The following SLC25A48 variants were observed in gnomAD, a reference collection of about 807,000 sequenced individuals.
The protein encoded by SLC25A48 is solute carrier family 25 member 48, also known as CTC-321K16.1.
A neutral mutation model predicts 32.2 loss-of-function variants in SLC25A48; 29 were observed. That is an observed-to-expected ratio of 0.90 (90% confidence interval 0.67 to 1.23). The LOEUF is 1.23. Ranked by LOEUF, SLC25A48 falls within the 50% of genes most tolerant of loss-of-function variation. The pLI is 0.00. For missense variants in SLC25A48, 399 were observed against 422.7 expected (o/e 0.94, Z 0.49); for synonymous variants, 164 against 172.3 (o/e 0.95, Z 0.38).
chr5:135,886,847 C>T (rs911525010), intron 7 of SLC25A48, among the ~76,000 whole-genome samples: 1 of 151,250 alleles, frequency 6.6e-6, no homozygotes, highest in Non-Finnish European at 1.5e-5. Flanking sequence ...CAAATGGAAT[C>T]CTATTTTTAA....
At chr5:135,774,581 T>A (rs964723184) in intron 3 of SLC25A48, among the ~76,000 whole-genome samples, 1 of 151,696 alleles carries the variant, frequency 6.6e-6, no homozygotes, top group African/African-American at 2.4e-5. Context: ...ATCACAGCGG[T>A]TATACACCCC....
intron 4 of SLC25A48, among the ~76,000 whole-genome samples, chr5:135,859,877 G>A (rs954443634): frequency 2.6e-5 from 4 of 152,142 alleles, no homozygotes; most frequent in African/African-American, 7.2e-5. Context: ...CTCCTGCAGT[G>A]ATGTTATCGG....
In SLC25A48 at chr5:135,874,810, T is replaced by C. The variant is rs538858765; in HGVS notation, c.813+656T>C. 7.7e-5 allele frequency: 46 copies of C among 600,808 alleles called. No individual in the cohort carries two copies. The Admixed American group carries it at 8.0e-4, about 10-fold the overall frequency. 37.2% of individuals were successfully genotyped at this position (600,808 alleles called of 1,614,324 possible). On this transcript the variant is annotated intron_variant, in intron 6 of 7. Coordinates refer to ENST00000681962, the MANE Select transcript of SLC25A48 (RefSeq NM_001349336.2). ...CTTCCATGTCTGGTGTCCAAGGTAA[T>C]ACACAGATTCATCACCCTCCGCAGG...
intron 1 of SLC25A48, among the ~76,000 whole-genome samples, chr5:135,592,271 C>T (rs1858067): frequency 1.5e-4 from 23 of 152,194 alleles, no homozygotes; most frequent in African/African-American, 5.3e-4. Context: ...GAGCCCTTCA[C>T]CCCCGTGGCC....
At chr5:135,857,688 GA>G (rs1452328111) in intron 4 of SLC25A48, among the ~76,000 whole-genome samples, 1 of 152,212 alleles carries the variant, frequency 6.6e-6, no homozygotes, top group East Asian at 1.9e-4. Flanking sequence ...TGGTGGTAGG[GA>G]AATACAATGG....
At chr5:135,625,681 GA>G (rs1752426419) in intron 1 of SLC25A48, among the ~76,000 whole-genome samples, 2 of 152,276 alleles carry the variant, frequency 1.3e-5, no homozygotes, top group South Asian at 4.2e-4. Context: ...TGGTGTCTGG[GA>G]TTTTTGGGTG....
intron 3 of SLC25A48, among the ~76,000 whole-genome samples, chr5:135,775,256 T>C (rs1215296987): frequency 6.6e-6 from 1 of 151,744 alleles, no homozygotes; most frequent in East Asian, 1.9e-4. Context: ...TTACTCCCAA[T>C]ATCGCAGGGA....
At chr5:135,878,877 C>A (rs539577758) in intron 6 of SLC25A48, among the ~76,000 whole-genome samples, 21 of 152,340 alleles carry the variant, frequency 1.4e-4, no homozygotes, top group Admixed American at 1.4e-3. Context: ...CTCCTCCCCA[C>A]AATCCCCCTC....
At chr5:135,823,902 T>A (rs1757956022) in intron 4 of SLC25A48, among the ~76,000 whole-genome samples, 1 of 152,188 alleles carries the variant, frequency 6.6e-6, no homozygotes. Context: ...AGAGAAGGCC[T>A]GTGTGGCTGG....
chr5:135,874,307 C>T (rs983041898), intron 6 of SLC25A48, among the ~76,000 whole-genome samples, 153 bp downstream of exon 6: 1 of 152,218 alleles, frequency 6.6e-6, no homozygotes, highest in Non-Finnish European at 1.5e-5. Context: ...CTTTGTCAAG[C>T]ACTTCACCTG....
chr5:135,830,150 G>T (rs1001297452), upstream of SLC25A48, among the ~76,000 whole-genome samples: 3 of 152,016 alleles, frequency 2.0e-5, no homozygotes, highest in African/African-American at 7.3e-5. Flanking sequence ...CTCCTCCACG[G>T]CCCACACATA....
intron 1 of SLC25A48, among the ~76,000 whole-genome samples, chr5:135,605,209 G>A (rs534017795): frequency 6.6e-6 from 1 of 152,276 alleles, no homozygotes; most frequent in South Asian, 2.1e-4. Context: ...TCTACAAGGA[G>A]CAAGAATTAC....
At chr5:135,585,750 C>T (rs909829708) in intron 1 of SLC25A48, among the ~76,000 whole-genome samples, 5 of 143,680 alleles carry the variant, frequency 3.5e-5, no homozygotes, top group Non-Finnish European at 6.2e-5. Flanking sequence ...TCTGCTTCCT[C>T]ATCTGTAAAA....
chr5:135,636,771 G>A (rs888806755), intron 3 of SLC25A48, among the ~76,000 whole-genome samples: 5 of 152,206 alleles, frequency 3.3e-5, no homozygotes, highest in African/African-American at 1.2e-4. Flanking sequence ...GGACTCTGGT[G>A]CCAATTTTCA....
chr5:135,637,278 A>G (rs1482009826), intron 3 of SLC25A48, among the ~76,000 whole-genome samples: 1 of 152,222 alleles, frequency 6.6e-6, no homozygotes, highest in African/African-American at 2.4e-5. Flanking sequence ...AAGCTTCGTA[A>G]AGAGGTGGCT....
intron 3 of SLC25A48, among the ~76,000 whole-genome samples, chr5:135,808,470 C>A (rs1428109532): frequency 6.6e-6 from 1 of 152,032 alleles, no homozygotes; most frequent in Non-Finnish European, 1.5e-5. Flanking sequence ...TCCCCCCTCA[C>A]TTCCCTCCAA....
chr5:135,888,102 A>C lies in SLC25A48; in HGVS notation c.*78A>C. On this transcript the variant is annotated 3_prime_UTR_variant, in exon 8 of 8. Coordinates refer to ENST00000681962, the MANE Select transcript of SLC25A48 (RefSeq NM_001349336.2). ...GCATGTGAAGCCCTGAGAGCTGCAG[A>C]TGTTTGGCCTTTGGACCTCCAAGTG... 6.4e-7 allele frequency: 1 copy of C among 1,550,794 alleles called. No individual in the cohort carries two copies. The highest frequency in any genetic ancestry group is 1.4e-5 in the African/African-American group (1 of 73,094).
At chr5:135,663,444 A>C (rs1248810852) in intron 3 of SLC25A48, among the ~76,000 whole-genome samples, 1 of 152,222 alleles carries the variant, frequency 6.6e-6, no homozygotes, top group Admixed American at 6.5e-5. Flanking sequence ...ATGTCTGTAG[A>C]CATTACCAAA....
chr5:135,608,462 C>T (rs1035063995), intron 1 of SLC25A48, among the ~76,000 whole-genome samples: 1 of 152,196 alleles, frequency 6.6e-6, no homozygotes, highest in South Asian at 2.1e-4. Flanking sequence ...TGAGCAATGA[C>T]TCTGCAGTTA....
Sources: allele counts gnomAD v4.1 joint callset (sites outside exome capture counted in the v4.1 genomes callset), GRCh38; gene constraint gnomAD v4.1.1; transcripts MANE v1.5; gene names NCBI Gene and HGNC (gene_info 2026-07-23, HGNC 2026-07-21).